FRAS1: variants seen among roughly 807,000 people sequenced by gnomAD.
FRAS1 encodes Fraser extracellular matrix complex subunit 1.
FRAS1 carries 290 observed loss-of-function variants against 435.2 expected under a neutral mutation model. The observed-to-expected ratio is 0.67, with a 90% confidence interval of 0.61 to 0.73. The LOEUF (loss-of-function observed/expected upper bound fraction) is 0.73. Among genes scored for constraint, FRAS1 ranks in the 30% least tolerant of loss-of-function variants. FRAS1 has a pLI of 0.00. For synonymous variants in FRAS1, 1,800 were observed against 1,851.0 expected (o/e 0.97, Z 0.71); for missense variants, 4,860 against 5,001.5 (o/e 0.97, Z 0.85).
chr4:78,185,288 G>T (rs1722224044), intron 2 of FRAS1, among the ~76,000 whole-genome samples: 1 of 152,186 alleles, frequency 6.6e-6, no homozygotes, highest in African/African-American at 2.4e-5. Context: ...GACTGAAGGG[G>T]TTTATGGCAT....
Position 78,372,792 on chromosome 4 carries a change from C to A in FRAS1, c.2944C>A (p.Leu982Ile). 6.2e-7 allele frequency: 1 copy of A among 1,613,228 alleles called. No homozygotes were observed. Among genetic ancestry groups the A allele is most frequent in the Non-Finnish European group, 8.5e-7 (1 of 1,179,706 alleles). Residue 982 changes from leucine to isoleucine, a missense_variant, in exon 24 of 74, where the codon CTC becomes ATC. Transcript: ENST00000512123. Reference sequence around the variant, plus strand: ...CCTGCAGTGCATGGATGGCTATGTTCTCCAGGATGGGGCCTGCGTGGAGCA... The same window carrying A: ...CCTGCAGTGCATGGATGGCTATGTTATCCAGGATGGGGCCTGCGTGGAGCA... ...DCLQCMDGYV[L>I]QDGACVEQCL...
intron 28 of FRAS1, among the ~76,000 whole-genome samples, chr4:78,384,374 C>T (rs531856951): frequency 5.9e-5 from 9 of 152,220 alleles, no homozygotes; most frequent in African/African-American, 9.6e-5. Flanking sequence ...TAGTGTTTCA[C>T]GTAAGTAACT....
intron 4 of FRAS1, among the ~76,000 whole-genome samples, chr4:78,250,638 G>A (rs2110131220): frequency 6.6e-6 from 1 of 152,282 alleles, no homozygotes; most frequent in South Asian, 2.1e-4. Context: ...TGTGTCTAGT[G>A]ATAAGCCCAG....
chr4:78,280,062 C>T (rs147900719), intron 10 of FRAS1, among the ~76,000 whole-genome samples: 1 of 152,196 alleles, frequency 6.6e-6, no homozygotes, highest in Non-Finnish European at 1.5e-5. Context: ...TTTACTTCTT[C>T]ACAGTTTCAT....
At chr4:78,105,298 T>C (rs544903443) in intron 2 of FRAS1, among the ~76,000 whole-genome samples, 2 of 152,334 alleles carry the variant, frequency 1.3e-5, no homozygotes, top group South Asian at 2.1e-4. Flanking sequence ...CCATCCACAA[T>C]CCTCATTTTG....
Position 78,115,930 on chromosome 4 carries a change from A to C in FRAS1, c.108+49914A>C, listed in dbSNP as rs1578133698. ...GTTTTAATTGTGATGTTAGGTTGTC[A>C]ATTTTAGATCTTTCCTGCTTTCTCT... On this transcript the variant is annotated intron_variant, in intron 2 of 73. Transcript: ENST00000512123. 6.6e-5 allele frequency among the ~76,000 whole-genome samples: 10 copies of C among 151,994 alleles called. No individual in the cohort carries two copies. The South Asian group carries it at 2.1e-3, about 32-fold the overall frequency.
intron 32 of FRAS1, among the ~76,000 whole-genome samples, chr4:78,418,534 AC>A (rs1479056958): frequency 6.6e-6 from 1 of 152,168 alleles, no homozygotes; most frequent in Non-Finnish European, 1.5e-5. Flanking sequence ...ACAGAGCCAG[AC>A]CCTGTCTCTT....
chr4:78,384,579 T>C (rs1386517650), intron 28 of FRAS1, among the ~76,000 whole-genome samples: 1 of 152,056 alleles, frequency 6.6e-6, no homozygotes, highest in Non-Finnish European at 1.5e-5. Context: ...AACTTTACTA[T>C]ACTAAATCTG....
intron 70 of FRAS1, among the ~76,000 whole-genome samples, chr4:78,530,645 T>C (rs2109902152): frequency 6.6e-6 from 1 of 152,216 alleles, no homozygotes; most frequent in African/African-American, 2.4e-5. Flanking sequence ...GATCAGATGG[T>C]TGTAGATGTG....
At chr4:78,130,817 T>G (rs1719645755) in intron 2 of FRAS1, among the ~76,000 whole-genome samples, 1 of 152,212 alleles carries the variant, frequency 6.6e-6, no homozygotes, top group African/African-American at 2.4e-5. Flanking sequence ...ATCAGTGTTC[T>G]TAGGTCTCCT....
chr4:78,333,493 C>A, intron 19 of FRAS1, 81 bp downstream of exon 19: 1 of 1,386,834 alleles, frequency 7.2e-7, no homozygotes, highest in Non-Finnish European at 9.8e-7. Context: ...TAATTAGAAA[C>A]CTTGTCATAC....
intron 45 of FRAS1, among the ~76,000 whole-genome samples, chr4:78,451,052 C>A (rs2109835340): frequency 6.7e-6 from 1 of 150,134 alleles, no homozygotes; most frequent in Admixed American, 6.6e-5. Context: ...TTGGAACTGG[C>A]TGTGCTTTAG....
chr4:78,205,337 G>A (rs962135861), intron 2 of FRAS1, among the ~76,000 whole-genome samples: 1 of 152,022 alleles, frequency 6.6e-6, no homozygotes, highest in Non-Finnish European at 1.5e-5. Flanking sequence ...GTGTAGCTGA[G>A]ACCACAGGCA....
intron 10 of FRAS1, among the ~76,000 whole-genome samples, chr4:78,279,378 G>A (rs1183686998): frequency 3.3e-5 from 5 of 152,282 alleles, no homozygotes; most frequent in East Asian, 1.9e-4. Flanking sequence ...GCAGAAGAGC[G>A]CTGGGCTCTC....
intron 2 of FRAS1, among the ~76,000 whole-genome samples, chr4:78,146,813 C>A (rs539432382): frequency 1.4e-4 from 21 of 152,100 alleles, no homozygotes; most frequent in African/African-American, 5.1e-4. Context: ...TCACATTGTA[C>A]ATTATAATTT....
At chr4:78,114,878 T>C (rs1016174113) in intron 2 of FRAS1, among the ~76,000 whole-genome samples, 6 of 151,900 alleles carry the variant, frequency 3.9e-5, no homozygotes, top group Admixed American at 6.6e-5. Context: ...TGAATAGGAG[T>C]GGTGAGAGAG....
At chr4:78,500,847 T>A (rs1396301773) in intron 61 of FRAS1, among the ~76,000 whole-genome samples, 1 of 152,184 alleles carries the variant, frequency 6.6e-6, no homozygotes, top group Non-Finnish European at 1.5e-5. Flanking sequence ...CGCATAAAGA[T>A]CTGGGGAAAG....
chr4:78,438,156 C>CA (rs1405074790), intron 38 of FRAS1, among the ~76,000 whole-genome samples: 2 of 152,040 alleles, frequency 1.3e-5, no homozygotes, highest in African/African-American at 4.8e-5. Flanking sequence ...TTCTTAAAAG[C>CA]AAAACATTCT....
rs1027128705 is a variant in FRAS1 at position 78,543,152 on chromosome 4, C to G, written c.*2028C>G. 3 of 152,308 alleles carry G rather than the reference C, an allele frequency of 2.0e-5. No homozygotes were observed. The highest frequency in any genetic ancestry group is 3.4e-3 in the Middle Eastern group (1 of 292). 9.4% of individuals were successfully genotyped at this position (152,308 alleles called of 1,614,324 possible). On this transcript the variant is annotated 3_prime_UTR_variant, in exon 74 of 74. Transcript: ENST00000512123. ...CTACTTAAGACCAGCTTGGGCAATT[C>G]AGGGCAGAACTCCTGTATCAGCCTC...
Sources: allele counts gnomAD v4.1 joint callset (sites outside exome capture counted in the v4.1 genomes callset), GRCh38; gene constraint gnomAD v4.1.1; transcripts MANE v1.5; gene names NCBI Gene and HGNC (gene_info 2026-07-23, HGNC 2026-07-21).